The following SPMIP4 variants were observed in gnomAD, a reference collection of about 807,000 sequenced individuals.
SPMIP4 encodes the protein sperm-associated microtubule inner protein 4.
At chr7:25,142,553 A>C in the SPMIP4 span, 1 of 1,188,652 alleles carries the variant, frequency 8.4e-7, no homozygotes, top group South Asian at 1.5e-5. Context: ...AAAAGGCAAA[A>C]ACATGAGAAG....
the SPMIP4 span, chr7:25,135,227 G>GC: frequency 4.8e-5 from 33 of 680,594 alleles, no homozygotes; most frequent in East Asian, 3.6e-3. Context: ...GCTATAATTA[G>GC]AACTCACCAG....
the SPMIP4 span, among the ~76,000 whole-genome samples, chr7:25,131,924 G>A: frequency 3.3e-5 from 5 of 152,356 alleles, no homozygotes; most frequent in Admixed American, 1.3e-4. The surrounding 1 kb of genome is among the most constrained non-coding windows in gnomAD (Gnocchi z 4.2). Flanking sequence ...GATCCGGAGG[G>A]ATGGAAGTCA....
chr7:25,139,232 T>A, the SPMIP4 span, among the ~76,000 whole-genome samples: 1 of 152,170 alleles, frequency 6.6e-6, no homozygotes, highest in Non-Finnish European at 1.5e-5. Flanking sequence ...AGGAGTGAAG[T>A]ATACTAATGT....
chr7:25,161,617 T>C, the SPMIP4 span, among the ~76,000 whole-genome samples: 2 of 123,336 alleles, frequency 1.6e-5, no homozygotes, highest in African/African-American at 2.8e-5. Context: ...ATTTTATTTA[T>C]AGATTTTTTT....
At chr7:25,138,987 T>C in the SPMIP4 span, among the ~76,000 whole-genome samples, 1 of 152,276 alleles carries the variant, frequency 6.6e-6, no homozygotes, top group African/African-American at 2.4e-5. The surrounding 1 kb of genome is among the most constrained non-coding windows in gnomAD (Gnocchi z 6.2). Context: ...AGATACACGC[T>C]GGGTGGTGGG....
the SPMIP4 span, among the ~76,000 whole-genome samples, chr7:25,162,376 GAAGA>G: frequency 6.6e-6 from 1 of 150,906 alleles, no homozygotes; most frequent in Non-Finnish European, 1.5e-5. Context: ...ATAAAAATTA[GAAGA>G]AATACTTGCA....
chr7:25,136,706 C>T, the SPMIP4 span: 2 of 1,614,106 alleles, frequency 1.2e-6, no homozygotes, highest in African/African-American at 1.3e-5. This position sits in a 1 kb window ranked among gnomAD's most constrained non-coding sequence, Gnocchi z 5.7. Context: ...TGGACTATAG[C>T]CTCCAGAGAA....
the SPMIP4 span, chr7:25,126,030 A>G: frequency 2.5e-6 from 2 of 807,190 alleles, no homozygotes; most frequent in Non-Finnish European, 3.0e-6. Flanking sequence ...ACCTTTTAAA[A>G]TTTTTATGAG....
the SPMIP4 span, among the ~76,000 whole-genome samples, chr7:25,130,024 T>C: frequency 6.6e-6 from 1 of 151,784 alleles, no homozygotes; most frequent in Non-Finnish European, 1.5e-5. Context: ...GATCACTTGA[T>C]GTCAGGAGTA....
the SPMIP4 span, among the ~76,000 whole-genome samples, chr7:25,155,513 T>C: frequency 6.6e-6 from 1 of 152,216 alleles, no homozygotes; most frequent in Admixed American, 6.5e-5. Flanking sequence ...AAATGAGTTT[T>C]GTGTTTGTAG....
the SPMIP4 span, among the ~76,000 whole-genome samples, chr7:25,178,993 A>G: frequency 6.6e-6 from 1 of 152,208 alleles, no homozygotes; most frequent in Non-Finnish European, 1.5e-5. Context: ...GTGAGCCGAG[A>G]TCGCACCACT....
At chr7:25,168,552 T>G in the SPMIP4 span, 1 of 1,070,012 alleles carries the variant, frequency 9.3e-7, no homozygotes, top group Non-Finnish European at 1.3e-6. Context: ...TTCCTACCAC[T>G]TCATAAGTAT....
At chr7:25,141,523 G>A in the SPMIP4 span, among the ~76,000 whole-genome samples, 6 of 138,116 alleles carry the variant, frequency 4.3e-5, no homozygotes, top group African/African-American at 1.6e-4. Flanking sequence ...AGTGAGCTGA[G>A]ATCGTGCCAC....
At chr7:25,177,463 C>A in the SPMIP4 span, among the ~76,000 whole-genome samples, 39 of 152,030 alleles carry the variant, frequency 2.6e-4, no homozygotes, top group African/African-American at 8.4e-4. Flanking sequence ...AGCCTGGCAA[C>A]AGAGTGAGAC....
chr7:25,155,270 T>C, the SPMIP4 span: 1 of 1,315,052 alleles, frequency 7.6e-7, no homozygotes, highest in Non-Finnish European at 1.0e-6. Context: ...CATCAAAAAT[T>C]TATTGGGACC....
At chr7:25,149,695 A>T in the SPMIP4 span, among the ~76,000 whole-genome samples, 5 of 152,220 alleles carry the variant, frequency 3.3e-5, no homozygotes, top group Non-Finnish European at 7.3e-5. Context: ...TATGTGTGGC[A>T]GAAGTCAGAT....
the SPMIP4 span, among the ~76,000 whole-genome samples, chr7:25,142,018 G>A: frequency 2.0e-5 from 3 of 152,334 alleles, no homozygotes; most frequent in African/African-American, 7.2e-5. Flanking sequence ...TTACAGGTGT[G>A]AGGCACTGCG....
the SPMIP4 span, among the ~76,000 whole-genome samples, chr7:25,169,602 C>T: frequency 6.6e-6 from 1 of 152,034 alleles, no homozygotes; most frequent in East Asian, 1.9e-4. Context: ...TGGAGTTTCG[C>T]TCTTGTTGCC....
chr7:25,126,003 A>G, the SPMIP4 span: 1 of 958,558 alleles, frequency 1.0e-6, no homozygotes, highest in African/African-American at 1.8e-5. Flanking sequence ...AAGAGGATGC[A>G]ATGATAACAT....
Sources: gnomAD v4.1 joint callset for allele counts (sites outside exome capture counted in the v4.1 genomes callset) on GRCh38, gnomAD v4.1.1 for gene constraint, Gnocchi (gnomAD v3.1) non-coding constraint, MANE v1.5 for transcripts, NCBI Gene and HGNC (gene_info 2026-07-23, HGNC 2026-07-21) for gene names.